Variants in TBC1D19 observed in about 807,000 individuals in gnomAD.
TBC1D19 encodes TBC1 domain family, member 19.
TBC1D19 carries 60 observed loss-of-function variants against 89.0 expected under a neutral mutation model. The observed-to-expected ratio is 0.67, with a 90% CI of 0.55 to 0.84. The LOEUF (loss-of-function observed/expected upper bound fraction) is 0.84. Ranked by LOEUF, TBC1D19 falls within the 40% of genes least tolerant of loss-of-function variation. The pLI is 0.00. For missense variants in TBC1D19, 500 were observed against 610.8 expected, an observed-to-expected ratio of 0.82 and a Z score of 1.91; for synonymous variants, 189 against 199.7, an observed-to-expected ratio of 0.95 and a Z score of 0.45.
chr4:26,845,543 C>T, the TBC1D19 span, among the ~76,000 whole-genome samples: 2 of 152,174 alleles, frequency 1.3e-5, no homozygotes, highest in Non-Finnish European at 2.9e-5. Context: ...TTCCCTCCTC[C>T]CCTGACCTTG....
chr4:26,715,771 C>T (rs1716555789), intron 13 of TBC1D19, among the ~76,000 whole-genome samples: 1 of 152,008 alleles, frequency 6.6e-6, no homozygotes, highest in Non-Finnish European at 1.5e-5. Flanking sequence ...ATGAAAAGAG[C>T]TGGCTGCTGA....
intron 15 of TBC1D19, among the ~76,000 whole-genome samples, chr4:26,735,115 T>C (rs1377256385): frequency 6.6e-6 from 1 of 151,410 alleles, no homozygotes. Context: ...TATATATGTA[T>C]ACACATGTGT....
Position 26,613,161 on chromosome 4 carries a change from A to ATTG in TBC1D19, c.100-6_100-5insGTT, listed in dbSNP as rs1401539683. The ATTG allele has an allele frequency of 6.7e-7, 1 of 1,494,428 alleles. No homozygotes were observed. The highest frequency in any genetic ancestry group is 9.1e-7 in the Non-Finnish European group (1 of 1,103,976). 92.6% of individuals were successfully genotyped at this position (1,494,428 alleles called of 1,614,324 possible). ...ATCTTTCTTTTTTATTATTATTATT[A>ATTG]TTCTTAGGCCAGTCTTCAGAGACCT... On this transcript the variant is annotated splice_region_variant and splice_polypyrimidine_tract_variant and intron_variant, in intron 1 of 20. Transcript: ENST00000264866.
intron 14 of TBC1D19, 118 bp downstream of exon 14, chr4:26,718,135 C>A: frequency 1.4e-6 from 1 of 697,796 alleles, no homozygotes; most frequent in South Asian, 2.2e-5. Context: ...TAAGATTTCT[C>A]TCAGATGACC....
At chr4:26,764,399 G>A in the TBC1D19 span, among the ~76,000 whole-genome samples, 6 of 152,170 alleles carry the variant, frequency 3.9e-5, no homozygotes, top group African/African-American at 1.4e-4. Context: ...GGGTGGGGAA[G>A]GAGATGGCTG....
At chr4:26,734,366 A>G (rs1207688989) in intron 15 of TBC1D19, among the ~76,000 whole-genome samples, 2 of 152,182 alleles carry the variant, frequency 1.3e-5, no homozygotes, top group African/African-American at 4.8e-5. Flanking sequence ...TATTTTTCAA[A>G]AATGTAACTT....
rs144906151 is a variant in TBC1D19 at position 26,644,477 on chromosome 4, G to A, written c.480+4290G>A. 6.5e-3 allele frequency among the ~76,000 whole-genome samples: 996 copies of A among 152,238 alleles called. 8 individuals are homozygous for A. The highest frequency in any genetic ancestry group is 0.023 in the African/African-American group (943 of 41,530). On this transcript the variant is annotated intron_variant, in intron 7 of 20. Coordinates refer to ENST00000264866, the MANE Select transcript of TBC1D19 (RefSeq NM_018317.4). ...CCACAGCCAGTATCATACTGAATGGGCAAAAACTGGAAGCATTCCCTTTGA... is the reference window on the plus strand; with the variant it reads ...CCACAGCCAGTATCATACTGAATGGACAAAAACTGGAAGCATTCCCTTTGA...
At chr4:26,823,320 T>C in the TBC1D19 span, among the ~76,000 whole-genome samples, 3 of 152,100 alleles carry the variant, frequency 2.0e-5, no homozygotes, top group African/African-American at 7.2e-5. Flanking sequence ...GCATTCAAGC[T>C]GAGATTTGGG....
At chr4:26,781,906 T>G in the TBC1D19 span, among the ~76,000 whole-genome samples, 1 of 148,388 alleles carries the variant, frequency 6.7e-6, no homozygotes, top group Non-Finnish European at 1.5e-5. Flanking sequence ...CATTTTTTAC[T>G]CACTTCCATG....
chr4:26,746,049 G>A (rs1257423436), intron 18 of TBC1D19, among the ~76,000 whole-genome samples: 1 of 151,992 alleles, frequency 6.6e-6, no homozygotes, highest in Non-Finnish European at 1.5e-5. Context: ...ATAAGTTTAT[G>A]TCTTTTGCCA....
chr4:26,760,410 A>G (rs1225646907), downstream of TBC1D19, among the ~76,000 whole-genome samples: 5 of 152,024 alleles, frequency 3.3e-5, no homozygotes, highest in African/African-American at 9.7e-5. Context: ...AAAAAATACA[A>G]AAAAAATTAG....
chr4:26,828,462 A>T, the TBC1D19 span, among the ~76,000 whole-genome samples: 1 of 152,360 alleles, frequency 6.6e-6, no homozygotes, highest in Admixed American at 6.5e-5. Context: ...AAAGGAGACC[A>T]TTTTGTCATT....
chr4:26,610,099 G>A lies in TBC1D19; in HGVS notation c.100-3070G>A, dbSNP rs530453574. On this transcript the variant is annotated intron_variant, in intron 1 of 20. Transcript: ENST00000264866. ...GTGGCAAGAAGCCCAATTTAGAGGT[G>A]GTTGCAGTAATTCAAATGAGAAAGA... Among the ~76,000 whole-genome samples the A allele has an allele frequency of 5.9e-5, 9 of 152,174 alleles. No homozygotes were observed. In the East Asian group the frequency reaches 1.5e-3, roughly 26 times the overall value.
chr4:26,645,698 TACC>T (rs1743868792), intron 7 of TBC1D19, among the ~76,000 whole-genome samples: 1 of 152,120 alleles, frequency 6.6e-6, no homozygotes, highest in Non-Finnish European at 1.5e-5. Flanking sequence ...CAAAAGAAAC[TACC>T]ATCAGAGTGA....
At chr4:26,717,618 C>G (rs761099234) in intron 13 of TBC1D19, among the ~76,000 whole-genome samples, 2 of 152,172 alleles carry the variant, frequency 1.3e-5, no homozygotes, top group East Asian at 1.9e-4. Context: ...AGGGTCTTCT[C>G]CATACATTTT....
intron 1 of TBC1D19, among the ~76,000 whole-genome samples, chr4:26,599,241 T>G (rs1740437987): frequency 6.6e-6 from 1 of 152,196 alleles, no homozygotes; most frequent in South Asian, 2.1e-4. Context: ...TTAATAGAAA[T>G]AACTCTTTAA....
At chr4:26,733,592 G>T (rs1463833311) in intron 15 of TBC1D19, among the ~76,000 whole-genome samples, 1 of 152,114 alleles carries the variant, frequency 6.6e-6, no homozygotes, top group African/African-American at 2.4e-5. Context: ...TATGAAAGGA[G>T]TTTCTACTGA....
At chr4:26,700,022 AAAG>A (rs905716821) in intron 13 of TBC1D19, among the ~76,000 whole-genome samples, 19 of 152,204 alleles carry the variant, frequency 1.2e-4, no homozygotes, top group African/African-American at 4.6e-4. Context: ...TAATAATAAA[AAAG>A]AAATTAAAAG....
intron 7 of TBC1D19, among the ~76,000 whole-genome samples, chr4:26,651,918 A>G (rs1468375859): frequency 6.6e-6 from 1 of 152,160 alleles, no homozygotes; most frequent in Non-Finnish European, 1.5e-5. Flanking sequence ...AGTTTTTAGC[A>G]TGAAGTGTTG....
Sources: gnomAD v4.1 joint callset for allele counts (sites outside exome capture counted in the v4.1 genomes callset) on GRCh38, gnomAD v4.1.1 for gene constraint, MANE v1.5 for transcripts, NCBI Gene and HGNC (gene_info 2026-07-23, HGNC 2026-07-21) for gene names.